The following TPR variants were observed in gnomAD, a reference collection of about 807,000 sequenced individuals.
TPR encodes translocated promoter region, nuclear basket protein, also known as nucleoprotein TPR.
TPR carries 51 observed loss-of-function variants against 316.1 expected under a neutral mutation model. That is an observed-to-expected ratio of 0.16 (90% confidence interval 0.13 to 0.20). The LOEUF is 0.20. Ranked by LOEUF, TPR falls within the 10% of genes least tolerant of loss-of-function variation. The pLI is 1.00. For synonymous variants in TPR, 981 were observed against 914.7 expected (o/e 1.07, Z -1.31); for missense variants, 2,272 against 2,754.8 (o/e 0.82, Z 3.92).
Position 186,341,444 on chromosome 1 carries a change from C to T in TPR, c.3751-55G>A. 2.6e-6 allele frequency: 4 copies of T among 1,559,390 alleles called. No individual in the cohort carries two copies. The Admixed American group carries it at 5.4e-5, about 21-fold the overall frequency. Reference sequence around the variant, plus strand: ...ACATCTAACAATAGTTGAAAGTCTACCTGTTCCTATGAGCTCAAATCCTCC... The same window carrying T: ...ACATCTAACAATAGTTGAAAGTCTATCTGTTCCTATGAGCTCAAATCCTCC... On this transcript the variant is annotated intron_variant, in intron 27 of 50. Transcript: ENST00000367478.
chr1:186,336,699 A>C lies in TPR; in HGVS notation c.4507-5T>G. 1 of 1,610,208 alleles carries C rather than the reference A, an allele frequency of 6.2e-7. No individual in the cohort carries two copies. The highest frequency in any genetic ancestry group is 8.5e-7 in the Non-Finnish European group (1 of 1,178,092). On this transcript the variant is annotated splice_region_variant and splice_polypyrimidine_tract_variant and intron_variant, in intron 32 of 50. Coordinates refer to ENST00000367478, the MANE Select transcript of TPR (RefSeq NM_003292.3). The stretch of plus-strand genomic sequence containing the variant: ...TGTCTCTTTTTCAGATAATGTCTTT[A>C]AAGGAAAACAAAGTATTCACCATGG...
At chr1:186,321,313 T>C (rs1254244341) in intron 45 of TPR, among the ~76,000 whole-genome samples, 1 of 152,198 alleles carries the variant, frequency 6.6e-6, no homozygotes, top group Non-Finnish European at 1.5e-5. Context: ...TGTAGAAATT[T>C]TTAAATTCTG....
Position 186,357,466 on chromosome 1 carries a change from C to T in TPR, c.1655G>A (p.Arg552His), listed in dbSNP as rs369498897. ...AAGCTCTCTAAGGGCCACTAAGAGACGTTGATTTTGTTGTTGAAGCTCTTC... is the reference window on the plus strand; with the variant it reads ...AAGCTCTCTAAGGGCCACTAAGAGATGTTGATTTTGTTGTTGAAGCTCTTC... ...NIEELQQQNQ[R>H]LLVALRELGE... Residue 552 changes from arginine to histidine, a missense_variant, in exon 14 of 51, where the codon CGT becomes CAT. Physicochemically the swap from Arg to His is conservative, Grantham distance 29 (BLOSUM62 0). This residue lies in a region of TPR where 11 missense variants were observed against 36.7 expected (regional missense o/e 0.30). Transcript: ENST00000367478. The T allele has an allele frequency of 4.3e-5, 69 of 1,613,866 alleles. No individual in the cohort carries two copies. Among genetic ancestry groups the T allele is most frequent in the Non-Finnish European group, 5.3e-5 (63 of 1,180,004 alleles).
At position 186,347,378 on chromosome 1, in the gene TPR, C is replaced by T. The variant is rs201054576; in HGVS notation, c.2857G>A (p.Glu953Lys). The stretch of plus-strand genomic sequence containing the variant: ...TTGCTCGTACTTGTTTTGAGTCTCT[C>T]CTTTAAGTCATTCACCTGCTCTTCT... Reference protein sequence around the residue: ...QTEEQVNDLKERLKTSTSNVE... With the variant: ...QTEEQVNDLKKRLKTSTSNVE... The change falls in exon 22 of 51, where the codon GAG becomes AAG. Residue 953 changes from glutamate to lysine, a missense_variant. Glu to Lys is a moderately conservative substitution (Grantham distance 56). This residue lies in a region of TPR where 757 missense variants were observed against 859.8 expected (regional missense o/e 0.88). Coordinates refer to ENST00000367478, the MANE Select transcript of TPR (RefSeq NM_003292.3). 590 of 1,614,062 alleles carry T rather than the reference C, an allele frequency of 3.7e-4. 1 individual carries two copies. Among genetic ancestry groups the T allele is most frequent in the Non-Finnish European group, 4.7e-4 (550 of 1,179,980 alleles).
chr1:186,348,641 G>A (rs754927531), intron 21 of TPR, among the ~76,000 whole-genome samples: 14 of 151,906 alleles, frequency 9.2e-5, no homozygotes, highest in South Asian at 2.1e-4. Context: ...CCAGCATCAC[G>A]GTCCTAGATA....
At chr1:186,357,731 G>C in intron 13 of TPR, 108 bp from the exon 14 acceptor site, 1 of 850,256 alleles carries the variant, frequency 1.2e-6, no homozygotes, top group Non-Finnish European at 1.8e-6. Context: ...CCTTCAACTT[G>C]TACTGCCTCA....
In TPR at chr1:186,327,453, A is replaced by G; in HGVS notation, c.5889+7T>C. The G allele has an allele frequency of 2.5e-6, 4 of 1,608,074 alleles. No individual in the cohort carries two copies. Among genetic ancestry groups the G allele is most frequent in the Non-Finnish European group, 3.4e-6 (4 of 1,179,208 alleles). On this transcript the variant is annotated splice_region_variant and intron_variant, in intron 40 of 50. Coordinates refer to ENST00000367478, the MANE Select transcript of TPR (RefSeq NM_003292.3). ...AAAAACACTAGATGATTTCAAATCAAACTTACCTCATGTTCTCCATCATTT... is the reference window on the plus strand; with the variant it reads ...AAAAACACTAGATGATTTCAAATCAGACTTACCTCATGTTCTCCATCATTT...
chr1:186,323,685 C>A lies in TPR; in HGVS notation c.6297+1G>T. 1 of 1,486,904 alleles carries A rather than the reference C, an allele frequency of 6.7e-7. No individual in the cohort carries two copies. Among genetic ancestry groups the A allele is most frequent in the Non-Finnish European group, 8.9e-7 (1 of 1,127,810 alleles). The allele number at this position is 1,486,904 out of a possible 1,614,324, so 92.1% of individuals were successfully genotyped here. A position where few individuals can be genotyped will look rare whatever the true frequency, so the allele number is the denominator to read the frequency against. On this transcript the variant is annotated splice_donor_variant, in intron 43 of 50. Transcript: ENST00000367478. LOFTEE classifies it high-confidence loss of function. The stretch of plus-strand genomic sequence containing the variant: ...TTCATAATGACCAGTACTTTTAATA[C>A]CTGAACTGGTGGTCCCAACTCCTGA...
rs1387480848 is a variant in TPR, at chr1:186,344,024, G to C, written c.3484C>G (p.Gln1162Glu). ...LEKQNRLLHDQIEKLSDKVVA... is the reference protein window; with the variant it reads ...LEKQNRLLHDEIEKLSDKVVA... ...ACCTTGTCACTTAATTTTTCGATCT[G>C]ATCATGAAGTAATCTGTTTTGTTTC... The change falls in exon 26 of 51, where the codon CAG (glutamine) becomes GAG (glutamate). Residue 1162 changes from glutamine to glutamate, a missense_variant. Transcript: ENST00000367478. 6.2e-7 allele frequency: 1 copy of C among 1,614,134 alleles called. No homozygotes were observed.
chr1:186,369,911 T>C (rs865943363), intron 3 of TPR, among the ~76,000 whole-genome samples: 1 of 152,052 alleles, frequency 6.6e-6, no homozygotes, highest in South Asian at 2.1e-4. Context: ...GTTTTTTTTT[T>C]CTGAAAAATT....
Position 186,326,096 on chromosome 1 carries a change from C to A in TPR, c.6021+8G>T. ...GAACTATGAATGGTTAAAATTCTAG[C>A]CAGTTACCTCAGCATCATCAGCTTC... On this transcript the variant is annotated splice_region_variant and intron_variant, in intron 41 of 50. Coordinates refer to ENST00000367478, the MANE Select transcript of TPR (RefSeq NM_003292.3). The A allele has an allele frequency of 6.2e-7, 1 of 1,613,622 alleles. No homozygotes were observed. Among genetic ancestry groups the A allele is most frequent in the African/African-American group, 1.3e-5 (1 of 75,032 alleles).
chr1:186,368,880 G>C (rs1357428744), intron 3 of TPR, among the ~76,000 whole-genome samples: 3 of 152,094 alleles, frequency 2.0e-5, no homozygotes, highest in Admixed American at 6.6e-5. Context: ...TATGGCTTCA[G>C]GTCTTACATT....
In TPR at chr1:186,323,764, T is replaced by C. The variant is rs764474054; in HGVS notation, c.6219A>G (p.Ser2073=). Residue 2073 remains serine, a synonymous_variant, in exon 43 of 51, where the codon TCA becomes TCG. Transcript: ENST00000367478. ...GAAGTGGATGTGGTGGGCGTCTCGGTGACTGAGGTGCTCGAGGGGCCTGTC... is the reference window on the plus strand; with the variant it reads ...GAAGTGGATGTGGTGGGCGTCTCGGCGACTGAGGTGCTCGAGGGGCCTGTC... ...SERQAPRAPQ[S]PRRPPHPLPP... 42 of 1,541,660 alleles carry C rather than the reference T, an allele frequency of 2.7e-5. No homozygotes were observed. The Admixed American group carries it at 3.3e-4, about 12-fold the overall frequency.
intron 45 of TPR, 43 bp from the exon 46 acceptor site, chr1:186,320,461 C>T (rs1657745909): frequency 2.0e-6 from 3 of 1,513,054 alleles, no homozygotes; most frequent in South Asian, 2.5e-5. Context: ...TTAAAGTTAA[C>T]CTATTTAAAC....
chr1:186,330,320 G>T (rs1432913036), intron 39 of TPR, among the ~76,000 whole-genome samples: 2 of 152,074 alleles, frequency 1.3e-5, no homozygotes, highest in Non-Finnish European at 2.9e-5. Context: ...TCCTATCTCT[G>T]ATTTACAATC....
chr1:186,349,276 T>TA (rs531180524), intron 21 of TPR, among the ~76,000 whole-genome samples: 91 of 152,352 alleles, frequency 6.0e-4, no homozygotes, highest in African/African-American at 2.1e-3. Flanking sequence ...ACTGAATGTG[T>TA]ACTGCTTTTG....
rs1558000901 is a variant in TPR at position 186,333,386 on chromosome 1, A to G, written c.5191T>C (p.Ser1731Pro). Reference protein sequence around the residue: ...TQVESQEAMQSEGPVEHVPVF... With the variant: ...TQVESQEAMQPEGPVEHVPVF... ...GGAACATGTTCCACAGGCCCTTCTG[A>G]CTGCATAGCTGAAAAATAATTATAA... Residue 1731 changes from serine to proline, a missense_variant, in exon 37 of 51, where the codon TCA becomes CCA. Ser to Pro is a moderately conservative substitution (Grantham distance 74, BLOSUM62 -1). This residue lies in a region of TPR where 435 missense variants were observed against 461.1 expected (regional missense o/e 0.94). Transcript: ENST00000367478. 1 of 1,612,958 alleles carries G rather than the reference A, an allele frequency of 6.2e-7. No homozygotes were observed. Among genetic ancestry groups the G allele is most frequent in the Admixed American group, 1.7e-5 (1 of 59,868 alleles).
intron 48 of TPR, 32 bp from the exon 49 acceptor site, chr1:186,317,632 C>G: frequency 6.3e-7 from 1 of 1,575,120 alleles, no homozygotes; most frequent in Non-Finnish European, 8.7e-7. Flanking sequence ...AAATACAAAA[C>G]TGATCCTACA....
At position 186,312,383 on chromosome 1, in the gene TPR, T is replaced by C. The variant is rs1657329790; in HGVS notation, c.*1588A>G. The C allele has an allele frequency of 6.3e-7, 1 of 1,599,038 alleles. No individual in the cohort carries two copies. Among genetic ancestry groups the C allele is most frequent in the Non-Finnish European group, 8.5e-7 (1 of 1,173,690 alleles). On this transcript the variant is annotated 3_prime_UTR_variant, in exon 51 of 51. Transcript: ENST00000367478. ...CTTATCAAGACAAAGGTAACATTTT[T>C]ATTGTGTTAAAAAAATCCTTAAACA...
Sources: gnomAD v4.1 joint callset for allele counts (sites outside exome capture counted in the v4.1 genomes callset) on GRCh38, gnomAD v4.1.1 for gene constraint, gnomAD v4.1.1 regional missense constraint, MANE v1.5 for transcripts, NCBI Gene and HGNC (gene_info 2026-07-23, HGNC 2026-07-21) for gene names.